Variants in RASGRP1 observed in about 807,000 individuals in gnomAD.
The protein encoded by RASGRP1 is RAS guanyl releasing protein 1, also known as RAS guanyl-releasing protein 1.
Under a neutral mutation model 95.1 loss-of-function variants are expected in RASGRP1, and 37 were observed. That is an observed-to-expected ratio of 0.39 (90% CI 0.30 to 0.51). The LOEUF (loss-of-function observed/expected upper bound fraction) is 0.51, where lower values mean the gene tolerates loss of function less well. RASGRP1 is among the 20% of genes least tolerant of loss of function. The probability of loss-of-function intolerance (pLI) is 0.80; values close to 1 mark genes in which losing one functional copy is unlikely to be tolerated. For missense variants in RASGRP1, 711 were observed against 965.4 expected, an observed-to-expected ratio of 0.74 and a Z score of 3.49; for synonymous variants, 325 against 353.4, an observed-to-expected ratio of 0.92 and a Z score of 0.90.
chr15:38,503,259 C>T lies in RASGRP1; in HGVS notation c.1428+13G>A. 1 of 1,584,572 alleles carries T rather than the reference C, an allele frequency of 6.3e-7. No homozygotes were observed. Among genetic ancestry groups the T allele is most frequent in the Non-Finnish European group, 8.7e-7 (1 of 1,155,724 alleles). On this transcript the variant is annotated intron_variant, in intron 11 of 16. Coordinates refer to ENST00000310803, the MANE Select transcript of RASGRP1 (RefSeq NM_005739.4). ...ATGCCTAGTTTTTGTGTGCTGAACA[C>T]AGCTGTACTTACATCCACCATCCTC... is the stretch of plus-strand genomic sequence containing the variant.
chr15:38,540,774 T>C (rs1708586150), intron 2 of RASGRP1, among the ~76,000 whole-genome samples: 1 of 152,238 alleles, frequency 6.6e-6, no homozygotes, highest in African/African-American at 2.4e-5. Flanking sequence ...TAGAACAAGG[T>C]GTCCTCAAAT....
Position 38,502,438 on chromosome 15 carries a change from T to G in RASGRP1, c.1429-17A>C, listed in dbSNP as rs775579841. On this transcript the variant is annotated splice_polypyrimidine_tract_variant and intron_variant, in intron 11 of 16. Transcript: ENST00000310803. ...GAAGACAGACTGTGAAAAAGGAGTTTTTTTGGTGATTACTAAAGAGAAACC... is the reference window on the plus strand; with the variant it reads ...GAAGACAGACTGTGAAAAAGGAGTTGTTTTGGTGATTACTAAAGAGAAACC... 1.4e-6 allele frequency: 2 copies of G among 1,477,118 alleles called. No homozygotes were observed. Among genetic ancestry groups the G allele is most frequent in the Admixed American group, 1.7e-5 (1 of 58,360 alleles). The allele number at this position is 1,477,118 out of a possible 1,614,324, so 91.5% of individuals were successfully genotyped here.
intron 10 of RASGRP1, 119 bp from the exon 11 acceptor site, chr15:38,503,495 G>A: frequency 1.1e-5 from 9 of 832,570 alleles, no homozygotes; most frequent in Non-Finnish European, 1.7e-5. Flanking sequence ...TATGTTCAGT[G>A]GCAAGGAGCA....
At chr15:38,560,623 T>C (rs1893766291) in intron 1 of RASGRP1, among the ~76,000 whole-genome samples, 1 of 152,180 alleles carries the variant, frequency 6.6e-6, no homozygotes. Context: ...GGGGTGATGA[T>C]GGTGGTGTTT....
intron 11 of RASGRP1, chr15:38,502,946 G>GT (rs1891097825): frequency 1.1e-5 from 4 of 366,666 alleles, no homozygotes; most frequent in Non-Finnish European, 2.0e-5. Flanking sequence ...CAGTACAAAG[G>GT]TTTTCAGTTT....
At chr15:38,500,370 C>G (rs969774531) in intron 13 of RASGRP1, among the ~76,000 whole-genome samples, 3 of 150,808 alleles carry the variant, frequency 2.0e-5, no homozygotes, top group Non-Finnish European at 4.4e-5. Context: ...TTGAGACAGT[C>G]TTGCCCAGTT....
intron 2 of RASGRP1, among the ~76,000 whole-genome samples, chr15:38,526,934 T>G (rs1454682763): frequency 6.6e-6 from 1 of 152,212 alleles, no homozygotes; most frequent in African/African-American, 2.4e-5. Flanking sequence ...TCCAGTTTTA[T>G]GGTTAATATG....
intron 1 of RASGRP1, among the ~76,000 whole-genome samples, chr15:38,563,332 C>A (rs1255763167): frequency 6.6e-6 from 1 of 152,002 alleles, no homozygotes; most frequent in East Asian, 1.9e-4. Context: ...AATGAAAAAA[C>A]CAAAACCCCG....
Position 38,503,262 on chromosome 15 carries a change from C to G in RASGRP1, c.1428+10G>C. The G allele has an allele frequency of 6.3e-7, 1 of 1,589,974 alleles. No individual in the cohort carries two copies. The highest frequency in any genetic ancestry group is 8.6e-7 in the Non-Finnish European group (1 of 1,160,290). On this transcript the variant is annotated intron_variant, in intron 11 of 16. Coordinates refer to ENST00000310803, the MANE Select transcript of RASGRP1 (RefSeq NM_005739.4). ...CCTAGTTTTTGTGTGCTGAACACAG[C>G]TGTACTTACATCCACCATCCTCTGG...
chr15:38,525,003 C>G (rs1418248855), intron 3 of RASGRP1, among the ~76,000 whole-genome samples: 2 of 148,556 alleles, frequency 1.3e-5, no homozygotes, highest in African/African-American at 5.1e-5. Flanking sequence ...AGTCTCACTT[C>G]ATTGCCCAGG....
At chr15:38,513,228 C>T (rs923395889) in intron 6 of RASGRP1, among the ~76,000 whole-genome samples, 9 of 152,166 alleles carry the variant, frequency 5.9e-5, no homozygotes, top group African/African-American at 1.9e-4. Context: ...AATCCAAATG[C>T]TGTATTTCAG....
At chr15:38,513,904 G>A (rs1383553836) in intron 6 of RASGRP1, among the ~76,000 whole-genome samples, 2 of 152,188 alleles carry the variant, frequency 1.3e-5, no homozygotes, top group Non-Finnish European at 2.9e-5. Flanking sequence ...TGGAAGCGAT[G>A]TAACTTTGGA....
At chr15:38,561,457 G>A (rs1013830554) in intron 1 of RASGRP1, among the ~76,000 whole-genome samples, 2 of 152,260 alleles carry the variant, frequency 1.3e-5, no homozygotes, top group African/African-American at 4.8e-5. Flanking sequence ...GAAAGAGGCA[G>A]TTTGTGGGAC....
intron 2 of RASGRP1, among the ~76,000 whole-genome samples, chr15:38,549,355 C>G (rs998874158): frequency 1.3e-5 from 2 of 152,222 alleles, no homozygotes; most frequent in African/African-American, 4.8e-5. Flanking sequence ...TAGTCTATAA[C>G]TACATTCCAG....
At chr15:38,526,191 C>T in intron 3 of RASGRP1, 108 bp downstream of exon 3, 1 of 842,488 alleles carries the variant, frequency 1.2e-6, no homozygotes, top group Non-Finnish European at 2.0e-6. Flanking sequence ...ACCTATTTGC[C>T]ACTCAGGGTT....
At chr15:38,506,653 A>G (rs1891269570) in intron 9 of RASGRP1, among the ~76,000 whole-genome samples, 1 of 151,670 alleles carries the variant, frequency 6.6e-6, no homozygotes, top group African/African-American at 2.4e-5. Context: ...AAAAAAAAAA[A>G]AAAAATAGTG....
chr15:38,537,304 A>G (rs1024004785), intron 2 of RASGRP1, among the ~76,000 whole-genome samples: 12 of 152,200 alleles, frequency 7.9e-5, no homozygotes, highest in Non-Finnish European at 1.6e-4. Context: ...TGCAGGCTGA[A>G]TAAGAAACAT....
intron 9 of RASGRP1, among the ~76,000 whole-genome samples, chr15:38,507,323 T>A (rs1404143309): frequency 7.0e-6 from 1 of 143,062 alleles, no homozygotes; most frequent in Admixed American, 7.0e-5. Context: ...ACCCTGGGTG[T>A]TTTTTGTTTG....
intron 2 of RASGRP1, among the ~76,000 whole-genome samples, chr15:38,557,601 A>ATATGTGTGTGTG (rs1555405014): frequency 2.1e-4 from 31 of 145,386 alleles, no homozygotes; most frequent in African/African-American, 6.2e-4. Context: ...TTGTATATAT[A>ATATGTGTGTGTG]TGTGTGTGTG....
Sources: gnomAD v4.1 joint callset for allele counts (sites outside exome capture counted in the v4.1 genomes callset) on GRCh38, gnomAD v4.1.1 for gene constraint, MANE v1.5 for transcripts, NCBI Gene and HGNC (gene_info 2026-07-23, HGNC 2026-07-21) for gene names.